The following LTBP1 variants were observed in gnomAD, a reference collection of about 807,000 sequenced individuals.
The protein encoded by LTBP1 is latent-transforming growth factor beta-binding protein 1.
A neutral mutation model predicts 207.6 loss-of-function variants in LTBP1; 129 were observed. That is an observed-to-expected ratio of 0.62 (90% CI 0.54 to 0.72). LTBP1 has a LOEUF of 0.72. LTBP1 is among the 30% of genes least tolerant of loss of function. The pLI is 0.00. For missense variants in LTBP1, 2,281 were observed against 2,217.2 expected (o/e 1.03, Z -0.58); for synonymous variants, 963 against 833.7 (o/e 1.16, Z -2.67).
intron 3 of LTBP1, among the ~76,000 whole-genome samples, chr2:33,049,984 G>C (rs1339485462): frequency 1.3e-5 from 2 of 152,034 alleles, no homozygotes; most frequent in Non-Finnish European, 2.9e-5. Flanking sequence ...TGGAACTATA[G>C]GTGTGGGCCA....
At chr2:33,124,886 A>G (rs1206228788) in intron 4 of LTBP1, among the ~76,000 whole-genome samples, 1 of 152,212 alleles carries the variant, frequency 6.6e-6, no homozygotes, top group Admixed American at 6.5e-5. Context: ...TCTGGATTTC[A>G]ACATCCTAAA....
chr2:33,036,490 C>T (rs1282468143), intron 3 of LTBP1, among the ~76,000 whole-genome samples: 1 of 151,300 alleles, frequency 6.6e-6, no homozygotes, highest in Admixed American at 6.6e-5. Flanking sequence ...CGGAGTCTCA[C>T]TCTGTCACCC....
intron 26 of LTBP1, among the ~76,000 whole-genome samples, chr2:33,359,813 G>T (rs562263913): frequency 6.6e-6 from 1 of 152,146 alleles, no homozygotes; most frequent in Non-Finnish European, 1.5e-5. Flanking sequence ...CAAAGATTTC[G>T]TATCTGATTG....
intron 3 of LTBP1, among the ~76,000 whole-genome samples, chr2:33,067,582 TCACAGA>T (rs1382547266): frequency 4.6e-5 from 7 of 152,212 alleles, no homozygotes; most frequent in African/African-American, 1.7e-4. Flanking sequence ...TACTGAACAT[TCACAGA>T]CACTTTTTGA....
At chr2:33,255,640 T>C (rs770350657) in intron 11 of LTBP1, among the ~76,000 whole-genome samples, 1 of 152,218 alleles carries the variant, frequency 6.6e-6, no homozygotes, top group Non-Finnish European at 1.5e-5. Context: ...TTTAAAGTCA[T>C]GTTTTCTTCT....
chr2:33,103,139 ATC>A (rs1193772551), intron 3 of LTBP1, among the ~76,000 whole-genome samples: 21 of 145,952 alleles, frequency 1.4e-4, no homozygotes, highest in Non-Finnish European at 3.0e-5. Context: ...TGTATGCACA[ATC>A]TCTATGTTGT....
chr2:32,954,381 G>A (rs757279969), intron 2 of LTBP1, among the ~76,000 whole-genome samples: 51 of 152,164 alleles, frequency 3.4e-4, no homozygotes, highest in Non-Finnish European at 5.3e-4. Context: ...GGTGTTGATA[G>A]CGTTACTTCC....
intron 21 of LTBP1, 39 bp downstream of exon 21, chr2:33,300,612 T>TAAAGCACCTGGTCTA (rs746149139): frequency 6.3e-7 from 1 of 1,590,954 alleles, no homozygotes; most frequent in East Asian, 2.3e-5. Flanking sequence ...AACTTCAGCT[T>TAAAGCACCTGGTCTA]AAAGCACCTG....
intron 3 of LTBP1, among the ~76,000 whole-genome samples, chr2:33,051,334 T>C (rs1001736964): frequency 6.6e-6 from 1 of 152,136 alleles, no homozygotes; most frequent in African/African-American, 2.4e-5. Context: ...GGGGGATTAC[T>C]TGAGTCCAGG....
At chr2:33,194,921 A>T (rs930724993) in intron 7 of LTBP1, among the ~76,000 whole-genome samples, 1 of 152,206 alleles carries the variant, frequency 6.6e-6, no homozygotes, top group Non-Finnish European at 1.5e-5. Context: ...TGAAAATTCT[A>T]TGGCCCTTAA....
intron 5 of LTBP1, among the ~76,000 whole-genome samples, chr2:33,182,687 G>GAGATAGATAT (rs1469125010): frequency 1.5e-5 from 1 of 67,008 alleles, no homozygotes; most frequent in Non-Finnish European, 3.2e-5. Context: ...AAAAGATGGT[G>GAGATAGATAT]ATATATATAT....
chr2:33,334,672 A>T (rs1051979647), intron 24 of LTBP1, among the ~76,000 whole-genome samples: 1 of 152,174 alleles, frequency 6.6e-6, no homozygotes, highest in Non-Finnish European at 1.5e-5. Flanking sequence ...TTAACTGTAG[A>T]TGGTGAATAC....
At chr2:33,003,099 C>T (rs1382276782) in intron 2 of LTBP1, among the ~76,000 whole-genome samples, 2 of 152,154 alleles carry the variant, frequency 1.3e-5, no homozygotes, top group Admixed American at 6.5e-5. Context: ...GGTTGCCTGA[C>T]GTTGAGGTGG....
At chr2:33,298,069 G>T (rs111654324) in intron 20 of LTBP1, among the ~76,000 whole-genome samples, 146 of 152,302 alleles carry the variant, frequency 9.6e-4, no homozygotes, top group Non-Finnish European at 1.7e-3. Flanking sequence ...TTCACATGTC[G>T]GGGGTGTGTG....
Position 33,134,538 on chromosome 2 carries a change from A to C in LTBP1, c.1034-255A>C. 2 of 1,514,330 alleles carry C rather than the reference A, an allele frequency of 1.3e-6. No homozygotes were observed. Among genetic ancestry groups the C allele is most frequent in the Non-Finnish European group, 8.9e-7 (1 of 1,123,710 alleles). The allele number at this position is 1,514,330 out of a possible 1,614,324, so 93.8% of individuals were successfully genotyped here. A position where few individuals can be genotyped will look rare whatever the true frequency, so the allele number is the denominator to read the frequency against. On this transcript the variant is annotated intron_variant, in intron 4 of 33. Transcript: ENST00000404816. The surrounding 1 kb of genome is among the most constrained non-coding windows in gnomAD (Gnocchi z 4.4). ...ATCCCACTCCAGTGACTCGACTTCAAATGTGGTTTTGGAGTGCATCCCAGA... is the reference window on the plus strand; with the variant it reads ...ATCCCACTCCAGTGACTCGACTTCACATGTGGTTTTGGAGTGCATCCCAGA...
At chr2:33,016,234 G>C (rs1688361087) in intron 2 of LTBP1, among the ~76,000 whole-genome samples, 1 of 152,274 alleles carries the variant, frequency 6.6e-6, no homozygotes, top group East Asian at 1.9e-4. Context: ...CTTCTGCAGG[G>C]GTAGACCAGT....
At chr2:33,248,509 A>G (rs894070527) in intron 10 of LTBP1, among the ~76,000 whole-genome samples, 2 of 151,922 alleles carry the variant, frequency 1.3e-5, no homozygotes, top group Non-Finnish European at 2.9e-5. Flanking sequence ...TTTTAATCTC[A>G]CCTGCCACAC....
chr2:33,206,835 A>AT (rs1156987396), intron 7 of LTBP1, among the ~76,000 whole-genome samples: 2 of 151,992 alleles, frequency 1.3e-5, no homozygotes, highest in Non-Finnish European at 2.9e-5. Flanking sequence ...TCATGGCTAT[A>AT]TGCACATCTT....
chr2:33,186,286 G>T (rs1268209234), intron 5 of LTBP1, among the ~76,000 whole-genome samples: 1 of 152,130 alleles, frequency 6.6e-6, no homozygotes, highest in Non-Finnish European at 1.5e-5. Context: ...GTACATAGTA[G>T]GTATATATAT....
Sources: allele counts gnomAD v4.1 joint callset (sites outside exome capture counted in the v4.1 genomes callset), GRCh38; gene constraint gnomAD v4.1.1; non-coding constraint Gnocchi (gnomAD v3.1); transcripts MANE v1.5; gene names NCBI Gene and HGNC (gene_info 2026-07-23, HGNC 2026-07-21).